SYNE2: variants seen among roughly 807,000 people sequenced by gnomAD.
SYNE2 encodes spectrin repeat containing nuclear envelope protein 2, also known as nesprin-2.
A neutral mutation model predicts 856.3 loss-of-function variants in SYNE2; 431 were observed. The ratio of observed to expected loss-of-function variants is 0.50; its 90% CI spans 0.47 to 0.55. The LOEUF is 0.55. SYNE2 is among the 20% of genes least tolerant of loss of function. The pLI, the probability that SYNE2 is intolerant of heterozygous loss-of-function variation, is 0.00. For missense variants in SYNE2, 8,129 were observed against 8,023.2 expected (o/e 1.01, Z -0.50); for synonymous variants, 2,923 against 2,872.3 (o/e 1.02, Z -0.56).
At chr14:64,189,998 T>A in intron 98 of SYNE2, 73 bp from the exon 99 acceptor site, 2 of 1,477,902 alleles carry the variant, frequency 1.4e-6, no homozygotes, top group Non-Finnish European at 1.9e-6. Context: ...AAGAGGTAAC[T>A]CTATGTCTGT....
intron 54 of SYNE2, among the ~76,000 whole-genome samples, chr14:64,077,012 T>C (rs374035467): frequency 5.9e-5 from 9 of 152,316 alleles, no homozygotes; most frequent in East Asian, 1.9e-4. Flanking sequence ...ACTAAATATT[T>C]TGAGAGAAAC....
intron 6 of SYNE2, 119 bp downstream of exon 6, chr14:63,942,262 T>A: frequency 1.4e-6 from 1 of 703,526 alleles, no homozygotes; most frequent in Non-Finnish European, 2.5e-6. Flanking sequence ...ATAGGACCTC[T>A]GAAAATCTTG....
intron 64 of SYNE2, 149 bp from the exon 65 acceptor site, chr14:64,107,342 T>C (rs2153650046): frequency 2.7e-6 from 2 of 731,286 alleles, no homozygotes; most frequent in Non-Finnish European, 4.8e-6. Context: ...TTTTCCCTAA[T>C]GAACAAACTT....
At chr14:64,188,958 GTTTCACCAGGGAAGGGGC>G (rs1156388718) in intron 98 of SYNE2, 1 of 702,930 alleles carries the variant, frequency 1.4e-6, no homozygotes, top group Admixed American at 2.0e-5. Flanking sequence ...CCATTAGAAA[GTTTCACCAGGGAAGGGGC>G]TTACATATCC....
At chr14:63,809,167 T>G (rs1888510482) in intron 1 of SYNE2, among the ~76,000 whole-genome samples, 1 of 152,152 alleles carries the variant, frequency 6.6e-6, no homozygotes, top group Non-Finnish European at 1.5e-5. Context: ...TTATTTTTTT[T>G]GCTTACCAAA....
At position 64,216,372 on chromosome 14, in the gene SYNE2, T is replaced by A. The variant is rs1567673436; in HGVS notation, c.19527T>A (p.Pro6509=). The part of the protein sequence containing the change: ...VPPVPPASST[P]YKPPYGKLLL... ...CTGTTCCCCCTGCGTCCAGCACCCCTTATAAACCACCCTATGTAAGTCTTA... is the reference window on the plus strand; with the variant it reads ...CTGTTCCCCCTGCGTCCAGCACCCCATATAAACCACCCTATGTAAGTCTTA... Residue 6509 remains proline, a synonymous_variant, in exon 108 of 116, where the codon CCT becomes CCA. Coordinates refer to ENST00000555002, the MANE Select transcript of SYNE2 (RefSeq NM_182914.3). 2.5e-6 allele frequency: 4 copies of A among 1,614,092 alleles called. No homozygotes were observed. Among genetic ancestry groups the A allele is most frequent in the Non-Finnish European group, 3.4e-6 (4 of 1,180,058 alleles).
At chr14:63,821,190 T>C in intron 1 of SYNE2, among the ~76,000 whole-genome samples, 1 of 152,112 alleles carries the variant, frequency 6.6e-6, no homozygotes, top group East Asian at 1.9e-4. Context: ...CATAAAAATA[T>C]AAAAACTTAC....
chr14:63,925,113 G>A (rs991034059), intron 2 of SYNE2, among the ~76,000 whole-genome samples: 2 of 151,928 alleles, frequency 1.3e-5, no homozygotes, highest in African/African-American at 4.8e-5. Context: ...ACCAGCTTGG[G>A]CGACATGGTA....
chr14:64,163,315 C>A, intron 88 of SYNE2, 87 bp from the exon 89 acceptor site: 2 of 1,464,310 alleles, frequency 1.4e-6, no homozygotes, highest in Non-Finnish European at 1.9e-6. Flanking sequence ...GGCAAATATT[C>A]TCCTAGATTT....
intron 6 of SYNE2, among the ~76,000 whole-genome samples, chr14:63,946,482 C>T (rs1372230045): frequency 7.1e-6 from 1 of 140,920 alleles, no homozygotes; most frequent in East Asian, 2.0e-4. Flanking sequence ...GATACACAGA[C>T]ATACACATAT....
chr14:64,024,710 G>A (rs2096964198), intron 39 of SYNE2, among the ~76,000 whole-genome samples: 1 of 152,106 alleles, frequency 6.6e-6, no homozygotes, highest in South Asian at 2.1e-4. Context: ...TGAGACATTT[G>A]TGTGGTTTTC....
chr14:64,019,104 A>G (rs2096916716), intron 34 of SYNE2, among the ~76,000 whole-genome samples: 3 of 152,082 alleles, frequency 2.0e-5, no homozygotes, highest in African/African-American at 7.2e-5. Flanking sequence ...AGCCCTGTCT[A>G]TACTAAAAAT....
chr14:63,968,948 T>C lies in SYNE2; in HGVS notation c.1128+1102T>C, dbSNP rs2096435544. On this transcript the variant is annotated intron_variant, in intron 11 of 115. Transcript: ENST00000555002. ...AGTAGGTCTTATTTGTTCTTTCTAT[T>C]TTTTTGTACCCATTAACCATCTCCA... Among the ~76,000 whole-genome samples the C allele has an allele frequency of 3.3e-5, 5 of 152,200 alleles. No homozygotes were observed. In the South Asian group the frequency reaches 1.0e-3, roughly 32 times the overall value.
chr14:63,819,447 G>A (rs1321528169), intron 1 of SYNE2, among the ~76,000 whole-genome samples: 1 of 151,752 alleles, frequency 6.6e-6, no homozygotes. Flanking sequence ...GGCTGGGCTG[G>A]TCTCGAACTC....
chr14:64,143,901 G>T lies in SYNE2; in HGVS notation c.15436G>T (p.Glu5146Ter), dbSNP rs1350309880. 6.2e-7 allele frequency: 1 copy of T among 1,614,078 alleles called. No individual in the cohort carries two copies. Among genetic ancestry groups the T allele is most frequent in the East Asian group, 2.2e-5 (1 of 44,896 alleles). ...AACGGAGTTTGCAGAGCACCTGGGGGAGATGAACCGCCAGTGGCACCGTGT... is the reference window on the plus strand; with the variant it reads ...AACGGAGTTTGCAGAGCACCTGGGGTAGATGAACCGCCAGTGGCACCGTGT... ...ERTEFAEHLG[E>*]MNRQWHRVHG... The change falls in exon 83 of 116, where the codon GAG becomes TAG. Residue 5146 changes from glutamate (E) to a stop codon, truncating the protein, a stop_gained. Transcript: ENST00000555002. LOFTEE classifies it high-confidence loss of function.
At position 64,051,738 on chromosome 14, in the gene SYNE2, C is replaced by G; in HGVS notation, c.7825C>G (p.Gln2609Glu). The change falls in exon 48 of 116, where the codon CAA becomes GAA. Residue 2609 changes from glutamine (Q) to glutamate (E), a missense_variant. This residue lies in a region of SYNE2 where 5,410 missense variants were observed against 5,284.8 expected (regional missense o/e 1.02). Coordinates refer to ENST00000555002, the MANE Select transcript of SYNE2 (RefSeq NM_182914.3). ...QIKQLEHGWE[Q>E]VEQQIQKKYS... ...TAAGCAACTTGAACATGGTTGGGAA[C>G]AAGTGGAACAGCAGATTCAAAAGAA... The G allele has an allele frequency of 6.2e-7, 1 of 1,614,130 alleles. No homozygotes were observed. Among genetic ancestry groups the G allele is most frequent in the Non-Finnish European group, 8.5e-7 (1 of 1,180,020 alleles).
chr14:63,779,098 T>C (rs1162844351), intron 1 of SYNE2, among the ~76,000 whole-genome samples: 1 of 151,752 alleles, frequency 6.6e-6, no homozygotes, highest in East Asian at 1.9e-4. Flanking sequence ...GGTGGGTAGA[T>C]CACCTGAGGT....
intron 83 of SYNE2, 106 bp downstream of exon 83, chr14:64,144,054 T>C: frequency 7.5e-7 from 1 of 1,333,418 alleles, no homozygotes; most frequent in East Asian, 2.3e-5. Flanking sequence ...TTAAGCCTAA[T>C]AATCATCTCA....
intron 1 of SYNE2, among the ~76,000 whole-genome samples, chr14:63,790,095 C>G (rs1340457613): frequency 6.6e-6 from 1 of 152,114 alleles, no homozygotes; most frequent in African/African-American, 2.4e-5. Flanking sequence ...AATTTGGAAG[C>G]CCAAGGTGGG....
Sources: gnomAD v4.1 joint callset for allele counts (sites outside exome capture counted in the v4.1 genomes callset) on GRCh38, gnomAD v4.1.1 for gene constraint, gnomAD v4.1.1 regional missense constraint, MANE v1.5 for transcripts, NCBI Gene and HGNC (gene_info 2026-07-23, HGNC 2026-07-21) for gene names.